GSPT1: variants seen among roughly 807,000 people sequenced by gnomAD.
GSPT1 encodes the protein G1 to S phase transition 1.
In GSPT1, 20 loss-of-function variants were observed where a neutral mutation model predicts 72.5. That is an observed-to-expected ratio of 0.28 (90% CI 0.19 to 0.40). The LOEUF (loss-of-function observed/expected upper bound fraction) is 0.40, where lower values mean the gene tolerates loss of function less well. Ranked by LOEUF, GSPT1 falls within the 10% of genes least tolerant of loss-of-function variation. The pLI is 1.00. For missense variants in GSPT1, 580 were observed against 811.9 expected (o/e 0.71, Z 3.47); for synonymous variants, 334 against 293.5 (o/e 1.14, Z -1.41).
chr16:11,914,882 T>C (rs2054609731), intron 1 of GSPT1: 1 of 609,418 alleles, frequency 1.6e-6, no homozygotes, highest in South Asian at 1.5e-5. Flanking sequence ...TAATTACAGT[T>C]TCAATAGTAG....
chr16:11,884,590 T>C (rs2054163243), intron 10 of GSPT1, among the ~76,000 whole-genome samples: 1 of 151,562 alleles, frequency 6.6e-6, no homozygotes, highest in Non-Finnish European at 1.5e-5. Context: ...TGAAAACCGG[T>C]CTCTACTAAA....
intron 6 of GSPT1, among the ~76,000 whole-genome samples, chr16:11,888,688 G>A (rs1047268893): frequency 3.9e-5 from 6 of 152,128 alleles, no homozygotes; most frequent in Admixed American, 1.3e-4. Flanking sequence ...CTTGAACCCA[G>A]GAGGCGGAGG....
chr16:11,896,525 C>G (rs775805631), intron 4 of GSPT1, 33 bp downstream of exon 4: 11 of 1,160,716 alleles, frequency 9.5e-6, no homozygotes, highest in Non-Finnish European at 1.1e-5. Flanking sequence ...TTTTATGTAT[C>G]CAGTAACTTT....
intron 1 of GSPT1, among the ~76,000 whole-genome samples, chr16:11,905,386 T>C (rs575755358): frequency 6.6e-6 from 1 of 152,310 alleles, no homozygotes; most frequent in East Asian, 1.9e-4. Context: ...CGATTACACT[T>C]TGGATAACAG....
At chr16:11,878,266 C>A (rs1210040236) in intron 11 of GSPT1, among the ~76,000 whole-genome samples, 2 of 152,134 alleles carry the variant, frequency 1.3e-5, no homozygotes, top group East Asian at 3.9e-4. Flanking sequence ...CAGGCACCCA[C>A]CACCATGCCT....
At chr16:11,899,405 A>G (rs1318569460) in intron 1 of GSPT1, among the ~76,000 whole-genome samples, 1 of 152,086 alleles carries the variant, frequency 6.6e-6, no homozygotes, top group Non-Finnish European at 1.5e-5. Flanking sequence ...TACATGAACT[A>G]GAGTGGGCAA....
intron 1 of GSPT1, among the ~76,000 whole-genome samples, chr16:11,913,910 A>G (rs1567455126): frequency 1.3e-5 from 2 of 152,150 alleles, no homozygotes; most frequent in Admixed American, 6.5e-5. Context: ...AAAACCACCA[A>G]ATCAACCGTG....
chr16:11,878,719 A>G (rs983299120), intron 11 of GSPT1, among the ~76,000 whole-genome samples: 11 of 152,128 alleles, frequency 7.2e-5, no homozygotes, highest in Non-Finnish European at 2.9e-5. Context: ...AAGCAAAAGA[A>G]CAAGTGACCT....
At chr16:11,889,946 A>G (rs1224316212) in intron 6 of GSPT1, among the ~76,000 whole-genome samples, 1 of 146,702 alleles carries the variant, frequency 6.8e-6, no homozygotes, top group Non-Finnish European at 1.5e-5. Context: ...TGGCCCAATA[A>G]AAGTTGTTTT....
intron 8 of GSPT1, 64 bp downstream of exon 8, chr16:11,886,713 A>T: frequency 1.3e-6 from 2 of 1,562,164 alleles, no homozygotes; most frequent in Non-Finnish European, 1.8e-6. Context: ...CTAGAGAAAA[A>T]GTCGTACAAT....
rs75017203 is a variant in GSPT1 at position 11,911,449 on chromosome 16, C to A, written c.352+3920G>T. ...TCACCCAGGCTGAGTGCAATGGTGC[C>A]ATCATAGCTCACTGCAGCCTCCAGC... On this transcript the variant is annotated intron_variant, in intron 1 of 14. Coordinates refer to ENST00000434724, the MANE Select transcript of GSPT1 (RefSeq NM_002094.4). Among the ~76,000 whole-genome samples, 1,026 of 152,172 alleles carry A rather than the reference C, an allele frequency of 6.7e-3. 11 individuals carry two copies. The highest frequency in any genetic ancestry group is 0.023 in the African/African-American group (973 of 41,500).
intron 5 of GSPT1, 46 bp from the exon 6 acceptor site, chr16:11,891,185 T>C (rs1332473373): frequency 3.0e-6 from 3 of 989,798 alleles, no homozygotes; most frequent in African/African-American, 1.6e-5. Context: ...TACTCACAAA[T>C]TACTCAGTGG....
At chr16:11,873,830 C>T (rs1459341461) in intron 14 of GSPT1, among the ~76,000 whole-genome samples, 1 of 152,178 alleles carries the variant, frequency 6.6e-6, no homozygotes, top group Non-Finnish European at 1.5e-5. Flanking sequence ...CTCAGGTGAT[C>T]CGCCTGCCTC....
Position 11,915,499 on chromosome 16 carries a change from C to A in GSPT1, c.222G>T (p.Lys74Asn). The change falls in exon 1 of 15, where the codon AAG becomes AAT. Residue 74 changes from lysine (K) to asparagine (N), a missense_variant. Physicochemically the swap from Lys to Asn is moderately conservative, Grantham distance 94. Coordinates refer to ENST00000434724, the MANE Select transcript of GSPT1 (RefSeq NM_002094.4). ...CGGCGTGGACGTTGGGCACGAAGGG[C>A]TTGGCGTTGACGTTGAGTTGCCGGC... The part of the protein sequence containing the change: ...AFSRQLNVNA[K>N]PFVPNVHAAE... The A allele has an allele frequency of 6.5e-7, 1 of 1,549,408 alleles. No homozygotes were observed. Among genetic ancestry groups the A allele is most frequent in the Non-Finnish European group, 8.7e-7 (1 of 1,149,964 alleles).
rs1349080268 is a variant in GSPT1, at chr16:11,908,534, G to A, written c.352+6835C>T. On this transcript the variant is annotated intron_variant, in intron 1 of 14. Coordinates refer to ENST00000434724, the MANE Select transcript of GSPT1 (RefSeq NM_002094.4). ...CCAGCACTTTGGGAGGCCGAGGCGG[G>A]CGGATCACGAGGTCAGGAGATCGAG... The A allele has an allele frequency of 4.6e-5, 4 of 87,896 alleles. 1 individual carries two copies. The highest frequency in any genetic ancestry group is 2.5e-4 in the African/African-American group (4 of 16,200). 5.4% of individuals were successfully genotyped at this position (87,896 alleles called of 1,614,324 possible).
intron 14 of GSPT1, among the ~76,000 whole-genome samples, chr16:11,875,022 T>C (rs555491709): frequency 1.3e-5 from 2 of 152,200 alleles, no homozygotes; most frequent in Non-Finnish European, 2.9e-5. Context: ...AAACCCCGTC[T>C]CTACAAAAAT....
At chr16:11,879,470 C>G (rs2054092585) in intron 11 of GSPT1, among the ~76,000 whole-genome samples, 1 of 151,594 alleles carries the variant, frequency 6.6e-6, no homozygotes, top group African/African-American at 2.4e-5. Flanking sequence ...CGCAGTGGCT[C>G]ACGCCTGTAA....
chr16:11,915,383 G>T lies in GSPT1; in HGVS notation c.338C>A (p.Ala113Glu). 2.0e-6 allele frequency: 3 copies of T among 1,491,808 alleles called. No individual in the cohort carries two copies. The highest frequency in any genetic ancestry group is 2.7e-6 in the Non-Finnish European group (3 of 1,126,172). 92.4% of individuals were successfully genotyped at this position (1,491,808 alleles called of 1,614,324 possible). A position where few individuals can be genotyped will look rare whatever the true frequency, so the allele number is the denominator to read the frequency against. ...CGGGCCTTTACCCGCACGGCCTCCC[G>T]CGCCGCTGCCGGCTCCGTGGTTATT... ...AANNHGAGSG[A>E]GGRAAPVESS... The change falls in exon 1 of 15, where the codon GCG (alanine) becomes GAG (glutamate). Residue 113 changes from alanine to glutamate, a missense_variant. By Grantham distance (107) the Ala-to-Glu change is moderately radical. This residue lies in a region of GSPT1 where 327 missense variants were observed against 298.8 expected (regional missense o/e 1.09). Transcript: ENST00000434724.
At chr16:11,896,535 T>C (rs1318247609) in intron 4 of GSPT1, 23 bp downstream of exon 4, 2 of 1,338,436 alleles carry the variant, frequency 1.5e-6, no homozygotes, top group Non-Finnish European at 2.1e-6. Context: ...CCAGTAACTT[T>C]AATTGCTATG....
Sources: gnomAD v4.1 joint callset for allele counts (sites outside exome capture counted in the v4.1 genomes callset) on GRCh38, gnomAD v4.1.1 for gene constraint, gnomAD v4.1.1 regional missense constraint, MANE v1.5 for transcripts, NCBI Gene and HGNC (gene_info 2026-07-23, HGNC 2026-07-21) for gene names.